ADARB2: variants seen among roughly 807,000 people sequenced by gnomAD.
ADARB2 encodes inactive double-stranded RNA-specific editase B2.
ADARB2 carries 25 observed loss-of-function variants against 62.2 expected under a neutral mutation model. That is an observed-to-expected ratio of 0.40 (90% CI 0.29 to 0.56). The LOEUF is 0.56. Ranked by LOEUF, ADARB2 falls within the 20% of genes least tolerant of loss-of-function variation. The probability of loss-of-function intolerance (pLI) is 0.43; values close to 1 mark genes in which losing one functional copy is unlikely to be tolerated. For synonymous variants in ADARB2, 572 were observed against 500.8 expected (o/e 1.14, Z -1.90); for missense variants, 1,071 against 1,077.4 (o/e 0.99, Z 0.08).
At chr10:1,651,964 G>A (rs1834117120) in intron 1 of ADARB2, among the ~76,000 whole-genome samples, 1 of 152,200 alleles carries the variant, frequency 6.6e-6, no homozygotes, top group Non-Finnish European at 1.5e-5. Context: ...TGAGAAAAAC[G>A]ACACTATAAA....
At position 1,307,878 on chromosome 10, in the gene ADARB2, A is replaced by G. The variant is rs1172392713; in HGVS notation, c.1078-36809T>C. Among the ~76,000 whole-genome samples the G allele has an allele frequency of 4.6e-5, 6 of 131,076 alleles. No individual in the cohort carries two copies. The East Asian group carries it at 1.5e-3, about 33-fold the overall frequency. The allele number at this position is 131,076 out of a possible 152,430, so 86.0% of individuals were successfully genotyped here. ...TCTCACTCATAGGTGGGAATTGAACAATGAGATCACATGGACACAGGAAGG... is the reference window on the plus strand; with the variant it reads ...TCTCACTCATAGGTGGGAATTGAACGATGAGATCACATGGACACAGGAAGG... On this transcript the variant is annotated intron_variant, in intron 3 of 9. Coordinates refer to ENST00000381312, the MANE Select transcript of ADARB2 (RefSeq NM_018702.4).
At chr10:1,314,979 T>C (rs1831724861) in intron 3 of ADARB2, among the ~76,000 whole-genome samples, 1 of 152,162 alleles carries the variant, frequency 6.6e-6, no homozygotes, top group Admixed American at 6.5e-5. Flanking sequence ...AGCCGCACTC[T>C]CCACCCCTTC....
At chr10:1,601,026 C>T (rs529994543) in intron 1 of ADARB2, among the ~76,000 whole-genome samples, 11 of 152,146 alleles carry the variant, frequency 7.2e-5, no homozygotes, top group Non-Finnish European at 1.3e-4. Flanking sequence ...GATGCTACGT[C>T]TAATTCATGA....
intron 1 of ADARB2, among the ~76,000 whole-genome samples, chr10:1,516,173 C>T (rs1195588385): frequency 6.6e-6 from 1 of 152,212 alleles, no homozygotes; most frequent in Non-Finnish European, 1.5e-5. Context: ...TCAAGGCCGG[C>T]CTCATTGCGG....
intron 4 of ADARB2, among the ~76,000 whole-genome samples, chr10:1,264,247 G>C (rs1831171714): frequency 6.6e-6 from 1 of 152,112 alleles, no homozygotes; most frequent in African/African-American, 2.4e-5. Context: ...ATTTGTTTCA[G>C]CTTATCTTCC....
intron 2 of ADARB2, among the ~76,000 whole-genome samples, chr10:1,370,520 C>T (rs1832360013): frequency 6.6e-6 from 1 of 151,672 alleles, no homozygotes; most frequent in Admixed American, 6.6e-5. Flanking sequence ...TCTCTGTTCC[C>T]TGATGACATA....
intron 1 of ADARB2, among the ~76,000 whole-genome samples, chr10:1,558,658 C>G (rs1832744483): frequency 7.2e-6 from 1 of 138,094 alleles, no homozygotes; most frequent in African/African-American, 2.7e-5. Flanking sequence ...CGTGGGTGCT[C>G]AGCACCCCCA....
chr10:1,702,597 G>T (rs1376139014), intron 1 of ADARB2, among the ~76,000 whole-genome samples: 3 of 152,180 alleles, frequency 2.0e-5, no homozygotes, highest in Non-Finnish European at 2.9e-5. Flanking sequence ...ATCCACAAAA[G>T]TCACCCCTCT....
chr10:1,478,848 C>T (rs1456636399), intron 1 of ADARB2, among the ~76,000 whole-genome samples: 6 of 149,720 alleles, frequency 4.0e-5, no homozygotes, highest in East Asian at 2.0e-4. Context: ...AAGGACCCTC[C>T]GACAGGAGTG....
At chr10:1,247,551 G>T (rs1462657318) in intron 4 of ADARB2, among the ~76,000 whole-genome samples, 1 of 152,178 alleles carries the variant, frequency 6.6e-6, no homozygotes, top group African/African-American at 2.4e-5. Flanking sequence ...TAATTTGGGG[G>T]AAAGGAGAGG....
chr10:1,579,951 G>A (rs1833074479), intron 1 of ADARB2, among the ~76,000 whole-genome samples: 1 of 152,178 alleles, frequency 6.6e-6, no homozygotes, highest in Non-Finnish European at 1.5e-5. Flanking sequence ...CCCTTTTGAA[G>A]TCTTGTCTGT....
At chr10:1,364,917 G>C (rs142214086) in intron 2 of ADARB2, among the ~76,000 whole-genome samples, 1,622 of 149,122 alleles carry the variant, frequency 0.011, 35 homozygotes, top group African/African-American at 0.038. Context: ...CTGTTGCCCA[G>C]GCTGGAGGGC....
chr10:1,253,404 A>T (rs1447843045), intron 4 of ADARB2, among the ~76,000 whole-genome samples: 4 of 152,226 alleles, frequency 2.6e-5, no homozygotes, highest in Non-Finnish European at 5.9e-5. Context: ...ACGTTCAAGA[A>T]CACCTTTCAA....
intron 1 of ADARB2, among the ~76,000 whole-genome samples, chr10:1,648,841 G>A (rs1213227713): frequency 2.0e-5 from 3 of 152,146 alleles, no homozygotes; most frequent in Admixed American, 6.5e-5. Context: ...CATGGAGTCA[G>A]CACCACTGTT....
chr10:1,254,589 G>A (rs1394766280), intron 4 of ADARB2, among the ~76,000 whole-genome samples: 1 of 152,182 alleles, frequency 6.6e-6, no homozygotes, highest in Non-Finnish European at 1.5e-5. Context: ...TTTAGGCAAT[G>A]TTTTCAGGTT....
At chr10:1,611,283 G>T (rs964535438) in intron 1 of ADARB2, among the ~76,000 whole-genome samples, 1 of 152,124 alleles carries the variant, frequency 6.6e-6, no homozygotes, top group Non-Finnish European at 1.5e-5. Context: ...TGTGCCCAAG[G>T]CCCATAAATC....
chr10:1,712,450 C>A lies in ADARB2; in HGVS notation c.100+24601G>T, dbSNP rs1212453754. Among the ~76,000 whole-genome samples the A allele has an allele frequency of 2.0e-4, 31 of 151,248 alleles. 1 individual carries two copies. The highest frequency in any genetic ancestry group is 2.0e-3 in the Admixed American group (30 of 15,188). On this transcript the variant is annotated intron_variant, in intron 1 of 9. Coordinates refer to ENST00000381312, the MANE Select transcript of ADARB2 (RefSeq NM_018702.4). ...TACTGCTTTTTTTTTTCTTTGCGTG[C>A]CTTCTGCATGAGGAGAGGCTGTGTG...
At chr10:1,291,287 CT>C (rs1422842339) in intron 3 of ADARB2, 1 of 152,228 alleles carries the variant, frequency 6.6e-6, no homozygotes, top group Non-Finnish European at 1.5e-5. Context: ...GACTTTGCCC[CT>C]GAGTCTTTCC....
intron 1 of ADARB2, among the ~76,000 whole-genome samples, chr10:1,604,852 G>A (rs759385458): frequency 1.3e-5 from 2 of 152,162 alleles, no homozygotes; most frequent in Non-Finnish European, 2.9e-5. Flanking sequence ...TGGTGAGGAC[G>A]TCTGTGTGCA....
Sources: gnomAD v4.1 joint callset for allele counts (sites outside exome capture counted in the v4.1 genomes callset) on GRCh38, gnomAD v4.1.1 for gene constraint, MANE v1.5 for transcripts, NCBI Gene and HGNC (gene_info 2026-07-23, HGNC 2026-07-21) for gene names.